SORCS2: variants seen among roughly 807,000 people sequenced by gnomAD.
SORCS2 encodes sortilin related VPS10 domain containing receptor 2.
In SORCS2, 100 loss-of-function variants were observed where a neutral mutation model predicts 141.6. The observed-to-expected ratio is 0.71, with a 90% CI of 0.60 to 0.83. SORCS2 has a LOEUF of 0.83. Among genes scored for constraint, SORCS2 ranks in the 40% least tolerant of loss-of-function variants. SORCS2 has a pLI of 0.00. For missense variants in SORCS2, 1,646 were observed against 1,560.2 expected (o/e 1.05, Z -0.93); for synonymous variants, 789 against 676.9 (o/e 1.17, Z -2.57).
chr4:7,401,687 TCTGTGC>T (rs774311813), intron 2 of SORCS2, among the ~76,000 whole-genome samples: 1 of 152,170 alleles, frequency 6.6e-6, no homozygotes, highest in Non-Finnish European at 1.5e-5. Context: ...ACCAGGGGAC[TCTGTGC>T]CTGTGCCATC....
At chr4:7,601,350 A>T (rs1359315936) in intron 3 of SORCS2, among the ~76,000 whole-genome samples, 5 of 151,908 alleles carry the variant, frequency 3.3e-5, no homozygotes, top group African/African-American at 1.2e-4. Context: ...TCTTTATTCA[A>T]ACAGTAGTAG....
chr4:7,456,482 G>A (rs200728581), intron 2 of SORCS2, among the ~76,000 whole-genome samples: 4 of 152,222 alleles, frequency 2.6e-5, no homozygotes, highest in South Asian at 2.1e-4. Flanking sequence ...GGGTGAGAGG[G>A]GGGGGGCCTC....
rs918197013 is a variant in SORCS2, at chr4:7,253,239, A to G, written c.480+60113A>G. 3.3e-5 allele frequency among the ~76,000 whole-genome samples: 5 copies of G among 152,302 alleles called. No homozygotes were observed. In the South Asian group the frequency reaches 6.2e-4, roughly 19 times the overall value. On this transcript the variant is annotated intron_variant, in intron 1 of 26. Transcript: ENST00000507866. ...TCCCTTGTCCCCAGGAGCCCTCCCAACAAGGTTTGCTGCAGGGACAACCTG... is the reference window on the plus strand; with the variant it reads ...TCCCTTGTCCCCAGGAGCCCTCCCAGCAAGGTTTGCTGCAGGGACAACCTG...
intron 1 of SORCS2, among the ~76,000 whole-genome samples, chr4:7,392,985 C>T (rs1337860839): frequency 6.6e-6 from 1 of 152,048 alleles, no homozygotes; most frequent in African/African-American, 2.4e-5. Flanking sequence ...AGCACCCTGG[C>T]TCCCTGGCCC....
rs114886923 is a variant in SORCS2, at chr4:7,705,575, G to C, written c.1868+1291G>C. Among the ~76,000 whole-genome samples the C allele has an allele frequency of 2.5e-3, 374 of 152,360 alleles. 4 individuals are homozygous for C. The highest frequency in any genetic ancestry group is 8.6e-3 in the African/African-American group (359 of 41,586). On this transcript the variant is annotated intron_variant, in intron 14 of 26. Transcript: ENST00000507866. ...CCTGCCCTACCCATTTCCCACAGAA[G>C]AGCTGGGCACTGTGCCCCTCACCCT... is the stretch of plus-strand genomic sequence containing the variant.
chr4:7,323,066 C>T (rs1310171368), intron 1 of SORCS2, among the ~76,000 whole-genome samples: 2 of 152,186 alleles, frequency 1.3e-5, no homozygotes, highest in African/African-American at 2.4e-5. Context: ...ATGAACTGTG[C>T]ATTATTACAT....
chr4:7,565,543 G>A (rs919456169), intron 3 of SORCS2, among the ~76,000 whole-genome samples: 4 of 152,154 alleles, frequency 2.6e-5, no homozygotes, highest in African/African-American at 4.8e-5. Flanking sequence ...TGATGGTGAC[G>A]TGATGATGAT....
At chr4:7,377,633 A>G (rs1328909277) in intron 1 of SORCS2, among the ~76,000 whole-genome samples, 1 of 152,192 alleles carries the variant, frequency 6.6e-6, no homozygotes, top group African/African-American at 2.4e-5. Context: ...TTTAGCCCTG[A>G]TGTGATGGCG....
intron 1 of SORCS2, among the ~76,000 whole-genome samples, chr4:7,256,142 G>A (rs1713856930): frequency 1.3e-5 from 2 of 152,186 alleles, no homozygotes; most frequent in African/African-American, 4.8e-5. Context: ...GGAGGCCATG[G>A]GTGTCTGGGG....
intron 1 of SORCS2, among the ~76,000 whole-genome samples, chr4:7,223,645 T>C (rs1728841024): frequency 6.6e-6 from 1 of 152,180 alleles, no homozygotes; most frequent in Admixed American, 6.5e-5. Context: ...TCTCTAGACA[T>C]GTCCACCAAG....
chr4:7,209,916 C>G (rs986114066), intron 1 of SORCS2, among the ~76,000 whole-genome samples: 10 of 152,234 alleles, frequency 6.6e-5, no homozygotes, highest in Non-Finnish European at 1.5e-5. Context: ...GGCTCTGGGC[C>G]AGATCCTCTG....
Position 7,247,022 on chromosome 4 carries a change from G to A in SORCS2, c.480+53896G>A, listed in dbSNP as rs145446894. Among the ~76,000 whole-genome samples the A allele has an allele frequency of 3.8e-3, 580 of 152,278 alleles. 5 individuals carry two copies. Among genetic ancestry groups the A allele is most frequent in the African/African-American group, 0.013 (536 of 41,536 alleles). ...CCTGGCCCTCTGTGCCTTTACAGGG[G>A]CTCAGGAAGTGTCTGCATAACAAGC... On this transcript the variant is annotated intron_variant, in intron 1 of 26. Transcript: ENST00000507866.
intron 2 of SORCS2, chr4:7,434,712 T>A (rs1225749926): frequency 1.9e-6 from 3 of 1,612,702 alleles, no homozygotes; most frequent in Non-Finnish European, 2.5e-6. Flanking sequence ...TCGCGGTGGG[T>A]TTGTTCCATA....
At chr4:7,379,384 G>C (rs1271016883) in intron 1 of SORCS2, among the ~76,000 whole-genome samples, 1 of 152,226 alleles carries the variant, frequency 6.6e-6, no homozygotes, top group African/African-American at 2.4e-5. Context: ...AGCTGGGGTG[G>C]ATGGGTGGAA....
At chr4:7,497,250 T>C (rs1731685119) in intron 2 of SORCS2, among the ~76,000 whole-genome samples, 1 of 152,246 alleles carries the variant, frequency 6.6e-6, no homozygotes, top group Non-Finnish European at 1.5e-5. Flanking sequence ...ACCCACTGTG[T>C]GCCTCTTACC....
intron 1 of SORCS2, among the ~76,000 whole-genome samples, chr4:7,275,947 ATC>A (rs1395430820): frequency 1.3e-5 from 2 of 152,218 alleles, no homozygotes; most frequent in African/African-American, 2.4e-5. Context: ...AATGAAGTGC[ATC>A]CAGGCAAGTG....
At chr4:7,563,754 A>C (rs1714765086) in intron 3 of SORCS2, among the ~76,000 whole-genome samples, 1 of 152,202 alleles carries the variant, frequency 6.6e-6, no homozygotes, top group Admixed American at 6.5e-5. Flanking sequence ...CTCTGGGCAT[A>C]ATCAGAGAAT....
rs576053174 is a variant in SORCS2, at chr4:7,356,764, T to G, written c.481-39524T>G. Among the ~76,000 whole-genome samples, 4 of 152,350 alleles carry G rather than the reference T, an allele frequency of 2.6e-5. No individual in the cohort carries two copies. The South Asian group carries it at 8.3e-4, about 32-fold the overall frequency. ...GGCTGTCCTGTTCAAAGCCATGTCT[T>G]CAGAGCCTTACAGGGCACCTGGCAC... is the stretch of plus-strand genomic sequence containing the variant. On this transcript the variant is annotated intron_variant, in intron 1 of 26. Coordinates refer to ENST00000507866, the MANE Select transcript of SORCS2 (RefSeq NM_020777.3).
intron 1 of SORCS2, among the ~76,000 whole-genome samples, chr4:7,373,478 A>ATTTTTTTTTTTTTTTTTT (rs71173496): frequency 1.1e-4 from 4 of 36,822 alleles, no homozygotes; most frequent in Non-Finnish European, 1.7e-4. Flanking sequence ...ATATATATAT[A>ATTTTTTTTTTTTTTTTTT]TTTTTTTTTT....
Sources: allele counts gnomAD v4.1 joint callset (sites outside exome capture counted in the v4.1 genomes callset), GRCh38; gene constraint gnomAD v4.1.1; transcripts MANE v1.5; gene names NCBI Gene and HGNC (gene_info 2026-07-23, HGNC 2026-07-21).